The following ADISSP variants were observed in gnomAD, a reference collection of about 807,000 sequenced individuals.
The protein encoded by ADISSP is adipose-secreted signaling protein.
the ADISSP span, chr20:3,758,531 T>G: frequency 6.2e-7 from 1 of 1,608,266 alleles, no homozygotes; most frequent in Non-Finnish European, 8.5e-7. The surrounding 1 kb of genome is among the most constrained non-coding windows in gnomAD (Gnocchi z 5.5). Context: ...TAGGTGTGCA[T>G]GTACCTTGAC....
At chr20:3,763,375 T>A in the ADISSP span, among the ~76,000 whole-genome samples, 4 of 150,004 alleles carry the variant, frequency 2.7e-5, no homozygotes, top group African/African-American at 9.9e-5. Context: ...CTGGCCAACA[T>A]GGAGAAACCC....
chr20:3,756,453 C>G, the ADISSP span, among the ~76,000 whole-genome samples: 1 of 23,790 alleles, frequency 4.2e-5, no homozygotes, highest in African/African-American at 1.3e-4. Context: ...GCCACGCCAG[C>G]AGGCAAAGGG....
chr20:3,761,217 A>G, the ADISSP span, among the ~76,000 whole-genome samples: 1 of 152,234 alleles, frequency 6.6e-6, no homozygotes, highest in East Asian at 1.9e-4. Context: ...CAACCCCTAA[A>G]GGAACAAATG....
chr20:3,757,804 T>A, the ADISSP span, among the ~76,000 whole-genome samples: 2 of 152,096 alleles, frequency 1.3e-5, no homozygotes, highest in African/African-American at 4.8e-5. Flanking sequence ...AACTTTTGTA[T>A]TTTTAGTAGA....
chr20:3,758,683 G>A, the ADISSP span: 5 of 1,613,770 alleles, frequency 3.1e-6, no homozygotes. This position sits in a 1 kb window ranked among gnomAD's most constrained non-coding sequence, Gnocchi z 5.5. Flanking sequence ...TGTTGCCTAG[G>A]AAGAGTGGGA....
the ADISSP span, among the ~76,000 whole-genome samples, chr20:3,760,803 C>T: frequency 2.0e-5 from 3 of 152,170 alleles, no homozygotes; most frequent in African/African-American, 7.2e-5. Flanking sequence ...GGCCTGCCTC[C>T]GCCTCAGCTC....
the ADISSP span, among the ~76,000 whole-genome samples, chr20:3,763,396 A>G: frequency 2.0e-5 from 3 of 151,528 alleles, no homozygotes; most frequent in African/African-American, 7.3e-5. Context: ...TGTCTCTACT[A>G]AAAAATACAA....
chr20:3,768,105 C>T, the ADISSP span: 13 of 152,286 alleles, frequency 8.5e-5, no homozygotes, highest in East Asian at 1.9e-3. Context: ...GACGCACCTC[C>T]CTTGGGCCCT....
At chr20:3,757,573 A>G in the ADISSP span, among the ~76,000 whole-genome samples, 6 of 152,284 alleles carry the variant, frequency 3.9e-5, no homozygotes, top group East Asian at 1.2e-3. Context: ...CTGTAGGACA[A>G]AGAGTGGGAA....
At chr20:3,764,286 C>A in the ADISSP span, among the ~76,000 whole-genome samples, 165 of 152,354 alleles carry the variant, frequency 1.1e-3, no homozygotes, top group African/African-American at 3.7e-3. Flanking sequence ...CTCAAGGTCC[C>A]CCCATCTCCC....
At chr20:3,767,038 C>T in the ADISSP span, among the ~76,000 whole-genome samples, 1 of 152,054 alleles carries the variant, frequency 6.6e-6, no homozygotes, top group Admixed American at 6.5e-5. Flanking sequence ...CCTTTATCCT[C>T]TCCGGCAGCC....
At chr20:3,753,771 C>A in the ADISSP span, 1 of 492,250 alleles carries the variant, frequency 2.0e-6, no homozygotes, top group Non-Finnish European at 3.7e-6. Flanking sequence ...GTGGGGGACC[C>A]ACCCCAGGCC....
chr20:3,754,530 A>G, the ADISSP span: 1 of 1,604,738 alleles, frequency 6.2e-7, no homozygotes, highest in Non-Finnish European at 8.5e-7. Flanking sequence ...CTGCCCGGGG[A>G]CAGGGGCAAT....
At chr20:3,754,234 C>T in the ADISSP span, 1 of 1,507,082 alleles carries the variant, frequency 6.6e-7, no homozygotes, top group Non-Finnish European at 9.2e-7. Flanking sequence ...GGACCCCTCC[C>T]CTTCCCTCAG....
the ADISSP span, chr20:3,760,186 C>T: frequency 3.4e-6 from 4 of 1,178,402 alleles, no homozygotes; most frequent in African/African-American, 6.0e-5. Flanking sequence ...CCAGCGGGAG[C>T]CTGAAGGATA....
chr20:3,760,850 G>A, the ADISSP span, among the ~76,000 whole-genome samples: 62,623 of 151,982 alleles, frequency 0.41, 13,664 homozygotes, highest in African/African-American at 0.56. Flanking sequence ...AGTGAGAGGC[G>A]CCCCAGGAAG....
chr20:3,760,435 G>C, the ADISSP span, among the ~76,000 whole-genome samples: 1 of 152,240 alleles, frequency 6.6e-6, no homozygotes. Context: ...CTGAGCTGCA[G>C]CTTCTAGGTG....
the ADISSP span, chr20:3,758,763 G>A: frequency 7.8e-7 from 1 of 1,290,004 alleles, no homozygotes; most frequent in Non-Finnish European, 1.1e-6. This position sits in a 1 kb window ranked among gnomAD's most constrained non-coding sequence, Gnocchi z 5.5. Context: ...CCCCAAGACT[G>A]CCCTTGACAT....
the ADISSP span, chr20:3,767,813 C>G: frequency 6.6e-6 from 1 of 152,232 alleles, no homozygotes; most frequent in African/African-American, 2.4e-5. Context: ...ATTGGTTGAT[C>G]TGGGAGGGTG....
Sources: gnomAD v4.1 joint callset for allele counts (sites outside exome capture counted in the v4.1 genomes callset) on GRCh38, gnomAD v4.1.1 for gene constraint, Gnocchi (gnomAD v3.1) non-coding constraint, MANE v1.5 for transcripts, NCBI Gene and HGNC (gene_info 2026-07-23, HGNC 2026-07-21) for gene names.